Variants in MADD observed in about 807,000 individuals in gnomAD.
The protein encoded by MADD is MAP kinase activating death domain, also known as MAP kinase-activating death domain protein.
Under a neutral mutation model 176.7 loss-of-function variants are expected in MADD, and 109 were observed. The observed-to-expected ratio is 0.62, with a 90% CI of 0.53 to 0.72. The LOEUF (loss-of-function observed/expected upper bound fraction) is 0.72. MADD is among the 30% of genes least tolerant of loss of function. The pLI, the probability that MADD is intolerant of heterozygous loss-of-function variation, is 0.00. For synonymous variants in MADD, 771 were observed against 771.3 expected (o/e 1.00, Z 0.01); for missense variants, 1,914 against 2,045.5 (o/e 0.94, Z 1.24).
At chr11:47,328,740 C>T (rs151123494) in intron 32 of MADD, 36 bp downstream of exon 36, 38 of 1,613,446 alleles carry the variant, frequency 2.4e-5, no homozygotes, top group Middle Eastern at 3.3e-4. Context: ...GGCCACGGTG[C>T]GCAGGGCTCC....
At chr11:47,274,439 A>G (rs1448529357) in intron 2 of MADD, 124 bp from the exon 3 acceptor site, 2 of 793,556 alleles carry the variant, frequency 2.5e-6, no homozygotes, top group Admixed American at 2.3e-5. Context: ...CATATTTTCC[A>G]AGGTGTTACA....
chr11:47,300,298 C>T (rs1231741755), intron 22 of MADD, among the ~76,000 whole-genome samples: 1 of 151,344 alleles, frequency 6.6e-6, no homozygotes, highest in Admixed American at 6.6e-5. Flanking sequence ...CCCCCGCCTC[C>T]CGGGTTCAAG....
intron 22 of MADD, among the ~76,000 whole-genome samples, chr11:47,306,674 C>T (rs2082966561): frequency 6.6e-6 from 1 of 152,048 alleles, no homozygotes; most frequent in Non-Finnish European, 1.5e-5. Flanking sequence ...GCCATCTGTT[C>T]TCTATGTGGC....
intron 4 of MADD, 173 bp from the exon 5 acceptor site, chr11:47,276,559 C>T: frequency 1.4e-6 from 1 of 707,160 alleles, no homozygotes. Context: ...TGAGGATCAC[C>T]ATTGTGCCTG....
Position 47,305,759 on chromosome 11 carries a change from G to C in MADD, c.3643-2832G>C, listed in dbSNP as rs138344939. 2.0e-5 allele frequency among the ~76,000 whole-genome samples: 3 copies of C among 152,292 alleles called. No homozygotes were observed. In the East Asian group the frequency reaches 5.8e-4, roughly 29 times the overall value. On this transcript the variant is annotated intron_variant, in intron 22 of 32. Transcript: ENST00000402192. ...AGGAAGAGGGTATCTTAGCAGCTCA[G>C]ACTCTAGGGGCAAGTCCAGTTCCAG...
intron 1 of MADD, chr11:47,271,024 C>T (rs955209535): frequency 1.3e-5 from 2 of 152,242 alleles, no homozygotes; most frequent in African/African-American, 4.8e-5. Flanking sequence ...GTTAGCATGG[C>T]TATTTCTGCT....
chr11:47,284,309 C>G, intron 11 of MADD, 28 bp downstream of exon 11: 1 of 1,613,156 alleles, frequency 6.2e-7, no homozygotes, highest in South Asian at 1.1e-5. Context: ...GATTGGCCAG[C>G]CCTGGGCAGG....
chr11:47,308,742 G>C, intron 23 of MADD, 43 bp downstream of exon 25: 3 of 1,522,156 alleles, frequency 2.0e-6, no homozygotes, highest in Non-Finnish European at 2.7e-6. Context: ...GGAGAAAGCT[G>C]ACTCAGCCAG....
At chr11:47,317,648 C>T (rs2093450206) in intron 27 of MADD, among the ~76,000 whole-genome samples, 1 of 152,130 alleles carries the variant, frequency 6.6e-6, no homozygotes, top group Non-Finnish European at 1.5e-5. Context: ...TATGGTTGTC[C>T]CTCTCTTACA....
intron 22 of MADD, among the ~76,000 whole-genome samples, chr11:47,300,790 G>A (rs1340214156): frequency 6.6e-6 from 1 of 152,176 alleles, no homozygotes; most frequent in Non-Finnish European, 1.5e-5. Flanking sequence ...GAACCACCGT[G>A]CCCTGTGATG....
chr11:47,301,231 G>C (rs2077534358), intron 22 of MADD, among the ~76,000 whole-genome samples: 1 of 151,966 alleles, frequency 6.6e-6, no homozygotes. Context: ...TTCTGCCTCA[G>C]CTTCCCAAGT....
intron 7 of MADD, among the ~76,000 whole-genome samples, chr11:47,280,145 G>A (rs1170938688): frequency 6.6e-6 from 1 of 152,128 alleles, no homozygotes; most frequent in Non-Finnish European, 1.5e-5. Flanking sequence ...TTCTTCCTCT[G>A]CATGCTGAAC....
chr11:47,293,745 G>T, intron 19 of MADD, 138 bp from the exon 22 acceptor site: 1 of 616,380 alleles, frequency 1.6e-6, no homozygotes, highest in Non-Finnish European at 2.9e-6. Context: ...AGTGGGTCCT[G>T]AGTGGGGGGT....
intron 22 of MADD, among the ~76,000 whole-genome samples, chr11:47,296,486 T>G (rs750012949): frequency 1.3e-5 from 2 of 152,226 alleles, no homozygotes; most frequent in African/African-American, 2.4e-5. Flanking sequence ...TTTTAGTATA[T>G]TCCTAACAGT....
chr11:47,284,812 C>A, intron 12 of MADD, 129 bp from the exon 13 acceptor site: 1 of 1,371,942 alleles, frequency 7.3e-7, no homozygotes. Flanking sequence ...ACGGGTGCTA[C>A]AGAGATCATT....
intron 26 of MADD, among the ~76,000 whole-genome samples, chr11:47,314,923 C>T (rs11039174): frequency 6.6e-5 from 10 of 152,310 alleles, no homozygotes; most frequent in East Asian, 3.9e-4. Context: ...TTATATTAAT[C>T]ATTAATTGTT....
At position 47,296,074 on chromosome 11, in the gene MADD, CAAAAG is replaced by C. The variant is rs5791755; in HGVS notation, c.3642+24_3642+28del. On this transcript the variant is annotated intron_variant, in intron 22 of 32. Transcript: ENST00000402192. ...CATCTTTGTAAGCTTTGTTTATTAACAAAAGAAAACCATTTCTTTAATGGGGGAGG... is the reference window on the plus strand; with the variant it reads ...CATCTTTGTAAGCTTTGTTTATTAACAAAACCATTTCTTTAATGGGGGAGG... 0.19 allele frequency: 303,711 copies of C among 1,605,726 alleles called. 35,792 individuals are homozygous for C. Among genetic ancestry groups the C allele is most frequent in the East Asian group, 0.6 (26,969 of 44,700 alleles).
chr11:47,327,999 T>G, intron 31 of MADD: 1 of 987,694 alleles, frequency 1.0e-6, no homozygotes, highest in East Asian at 1.1e-4. Context: ...CCTCCCTCCC[T>G]GGGTGCTGTA....
chr11:47,279,539 C>A (rs367846074), intron 7 of MADD, among the ~76,000 whole-genome samples: 6 of 151,804 alleles, frequency 4.0e-5, no homozygotes, highest in Admixed American at 1.3e-4. Context: ...CCGCCACACC[C>A]GGCTAATTTT....
Sources: allele counts gnomAD v4.1 joint callset (sites outside exome capture counted in the v4.1 genomes callset), GRCh38; gene constraint gnomAD v4.1.1; transcripts MANE v1.5; gene names NCBI Gene and HGNC (gene_info 2026-07-23, HGNC 2026-07-21).